Variants in TBC1D32 observed in about 807,000 individuals in gnomAD.
TBC1D32 encodes the protein TBC1 domain family member 32.
TBC1D32 carries 151 observed loss-of-function variants against 170.3 expected under a neutral mutation model. The ratio of observed to expected loss-of-function variants is 0.89; its 90% CI spans 0.78 to 1.01. The LOEUF is 1.01. Among genes scored for constraint, TBC1D32 ranks in the 50% least tolerant of loss-of-function variants. TBC1D32 has a pLI of 0.00. For missense variants in TBC1D32, 1,464 were observed against 1,457.1 expected, an observed-to-expected ratio of 1.00 and a Z score of -0.08; for synonymous variants, 498 against 488.0, an observed-to-expected ratio of 1.02 and a Z score of -0.27.
At chr6:121,096,790 C>A (rs988489332) in intron 30 of TBC1D32, among the ~76,000 whole-genome samples, 1 of 152,140 alleles carries the variant, frequency 6.6e-6, no homozygotes, top group Non-Finnish European at 1.5e-5. Context: ...TACCTGACTT[C>A]AAACTATACT....
chr6:121,096,249 C>T (rs903876687), intron 30 of TBC1D32: 9 of 151,592 alleles, frequency 5.9e-5, no homozygotes, highest in Non-Finnish European at 8.9e-5. Flanking sequence ...TCTGATGGTA[C>T]TTTGTATTTC....
At position 121,247,320 on chromosome 6, in the gene TBC1D32, G is replaced by A. The variant is rs543319091; in HGVS notation, c.2019-4981C>T. 2.8e-4 allele frequency among the ~76,000 whole-genome samples: 43 copies of A among 151,748 alleles called. No individual in the cohort carries two copies. In the South Asian group the frequency reaches 8.5e-3, roughly 30 times the overall value. ...ACAAGCACTACAAGAAATGCTAAAA[G>A]GAGTTCTAAATCTTGAAATAAATCT... On this transcript the variant is annotated intron_variant, in intron 17 of 31. Transcript: ENST00000398212.
In TBC1D32 at chr6:121,119,492, T is replaced by C. The variant is rs75154985; in HGVS notation, c.2984-4251A>G. ...ATCAAAAGGTGAAACAAGCAAAATG[T>C]TGATTTTTTTTCTAACATTTTGATT... On this transcript the variant is annotated intron_variant, in intron 26 of 31. Coordinates refer to ENST00000398212, the MANE Select transcript of TBC1D32 (RefSeq NM_152730.6). Among the ~76,000 whole-genome samples the C allele has an allele frequency of 8.7e-3, 1,322 of 152,244 alleles. 17 individuals are homozygous for C. Among genetic ancestry groups the C allele is most frequent in the African/African-American group, 0.03 (1,257 of 41,568 alleles).
intron 17 of TBC1D32, among the ~76,000 whole-genome samples, chr6:121,247,586 G>A (rs1469398908): frequency 2.0e-5 from 3 of 146,686 alleles, no homozygotes; most frequent in Non-Finnish European, 4.5e-5. Flanking sequence ...CTTAACACAT[G>A]ACTCACATAA....
chr6:121,227,192 G>C (rs978610089), intron 20 of TBC1D32, among the ~76,000 whole-genome samples: 1 of 152,174 alleles, frequency 6.6e-6, no homozygotes, highest in Non-Finnish European at 1.5e-5. Flanking sequence ...TAAAGTCTCT[G>C]CTATGATGTA....
At chr6:121,255,470 T>G (rs1265839821) in intron 16 of TBC1D32, 60 bp from the exon 17 acceptor site, 1 of 377,954 alleles carries the variant, frequency 2.6e-6, no homozygotes, top group African/African-American at 2.2e-5. Flanking sequence ...ATATTTATAT[T>G]TTATAATTAT....
At chr6:121,123,270 T>G (rs79102886) in intron 26 of TBC1D32, among the ~76,000 whole-genome samples, 2,659 of 152,218 alleles carry the variant, frequency 0.017, 78 homozygotes, top group African/African-American at 0.061. Context: ...TCAAATGCAT[T>G]TTCAGCATCT....
intron 31 of TBC1D32, among the ~76,000 whole-genome samples, chr6:121,085,373 G>A (rs372798795): frequency 3.1e-4 from 34 of 108,034 alleles, no homozygotes; most frequent in African/African-American, 9.3e-4. Context: ...ATATATATGT[G>A]TATATATATA....
chr6:121,080,914 A>T (rs1775573109), intron 31 of TBC1D32, 24 bp from the exon 32 acceptor site: 2 of 1,604,332 alleles, frequency 1.2e-6, no homozygotes, highest in South Asian at 2.3e-5. Flanking sequence ...CAAAGGGAAA[A>T]TTATTTACTT....
intron 1 of TBC1D32, among the ~76,000 whole-genome samples, chr6:121,330,671 C>T (rs1237544608): frequency 6.6e-6 from 1 of 152,136 alleles, no homozygotes; most frequent in African/African-American, 2.4e-5. Flanking sequence ...ACCTCCAGGG[C>T]CCAGCCTCTA....
chr6:121,138,364 G>C (rs898941957), intron 24 of TBC1D32, among the ~76,000 whole-genome samples: 1 of 152,134 alleles, frequency 6.6e-6, no homozygotes, highest in Non-Finnish European at 1.5e-5. Context: ...TGAAGAATTA[G>C]TCTTCCCTTG....
chr6:121,265,096 T>C (rs1049795052), intron 15 of TBC1D32, among the ~76,000 whole-genome samples: 2 of 152,144 alleles, frequency 1.3e-5, no homozygotes, highest in Non-Finnish European at 2.9e-5. Context: ...ATAAAGGGTA[T>C]TCAAATAGGA....
chr6:121,202,760 G>A (rs1192604861), intron 22 of TBC1D32, among the ~76,000 whole-genome samples: 5 of 150,998 alleles, frequency 3.3e-5, no homozygotes. Flanking sequence ...GAAGGAGGGA[G>A]GCTAATCAAA....
chr6:121,322,887 T>G (rs908785223), intron 1 of TBC1D32, among the ~76,000 whole-genome samples: 8 of 152,216 alleles, frequency 5.3e-5, no homozygotes, highest in Admixed American at 5.2e-4. Context: ...TCCTTGTTCA[T>G]GTAATGTCTA....
chr6:121,150,487 G>A (rs1282390483), intron 24 of TBC1D32, among the ~76,000 whole-genome samples: 1 of 152,150 alleles, frequency 6.6e-6, no homozygotes, highest in Non-Finnish European at 1.5e-5. Context: ...TCTCTGCCAG[G>A]TTTTGGTATC....
chr6:121,302,224 G>C (rs1029725445), intron 9 of TBC1D32, among the ~76,000 whole-genome samples: 3 of 152,076 alleles, frequency 2.0e-5, no homozygotes, highest in Non-Finnish European at 2.9e-5. Flanking sequence ...GAACAGTCAA[G>C]TCCATTCATT....
chr6:121,324,017 C>G (rs1185811139), intron 1 of TBC1D32, among the ~76,000 whole-genome samples: 1 of 152,138 alleles, frequency 6.6e-6, no homozygotes, highest in Non-Finnish European at 1.5e-5. Flanking sequence ...TGATATTATT[C>G]TATTTACCAT....
chr6:121,121,240 G>A (rs947097595), intron 26 of TBC1D32, among the ~76,000 whole-genome samples: 2 of 151,898 alleles, frequency 1.3e-5, no homozygotes, highest in African/African-American at 2.4e-5. Flanking sequence ...CAGGTGAGTC[G>A]GGCATTATCA....
At chr6:121,290,124 G>A (rs1804593878) in intron 12 of TBC1D32, among the ~76,000 whole-genome samples, 1 of 152,138 alleles carries the variant, frequency 6.6e-6, no homozygotes, top group South Asian at 2.1e-4. Context: ...AAAAGCAATG[G>A]CAACAAAAGA....
Sources: allele counts gnomAD v4.1 joint callset (sites outside exome capture counted in the v4.1 genomes callset), GRCh38; gene constraint gnomAD v4.1.1; transcripts MANE v1.5; gene names NCBI Gene and HGNC (gene_info 2026-07-23, HGNC 2026-07-21).